The following GRID2 variants were observed in gnomAD, a reference collection of about 807,000 sequenced individuals.
The protein encoded by GRID2 is glutamate ionotropic receptor delta type subunit 2.
In GRID2, 33 loss-of-function variants were observed where a neutral mutation model predicts 114.8. That is an observed-to-expected ratio of 0.29 (90% confidence interval 0.22 to 0.38). The LOEUF (loss-of-function observed/expected upper bound fraction) is 0.38. GRID2 is among the 10% of genes least tolerant of loss of function. The pLI, the probability that GRID2 is intolerant of heterozygous loss-of-function variation, is 1.00. For synonymous variants in GRID2, 505 were observed against 449.9 expected (o/e 1.12, Z -1.55); for missense variants, 1,184 against 1,257.7 (o/e 0.94, Z 0.89).
intron 8 of GRID2, among the ~76,000 whole-genome samples, chr4:93,244,803 G>A (rs1036431635): frequency 2.8e-4 from 43 of 151,420 alleles, no homozygotes; most frequent in African/African-American, 9.0e-4. Flanking sequence ...CTTGTATTCA[G>A]CATTTTATTT....
intron 4 of GRID2, among the ~76,000 whole-genome samples, chr4:93,128,864 C>G (rs926152201): frequency 6.6e-6 from 1 of 152,088 alleles, no homozygotes; most frequent in South Asian, 2.1e-4. Flanking sequence ...AAAGAGACTC[C>G]GAATTTGATG....
intron 13 of GRID2, among the ~76,000 whole-genome samples, chr4:93,574,226 ATTTATC>A (rs935103570): frequency 6.6e-6 from 1 of 152,116 alleles, no homozygotes; most frequent in African/African-American, 2.4e-5. Flanking sequence ...TTCCAGTATC[ATTTATC>A]TTTCCTGTAG....
intron 9 of GRID2, among the ~76,000 whole-genome samples, chr4:93,407,197 G>A (rs1766542058): frequency 6.6e-6 from 1 of 152,118 alleles, no homozygotes; most frequent in Non-Finnish European, 1.5e-5. Context: ...ACTATCCACT[G>A]CATTACATGG....
intron 14 of GRID2, among the ~76,000 whole-genome samples, chr4:93,669,851 A>G (rs1157907321): frequency 6.6e-6 from 1 of 152,154 alleles, no homozygotes; most frequent in African/African-American, 2.4e-5. Flanking sequence ...ACACATGAAT[A>G]CAAGAAAAAT....
chr4:93,164,720 C>G (rs1433522849), intron 4 of GRID2: 1 of 435,804 alleles, frequency 2.3e-6, no homozygotes, highest in Non-Finnish European at 4.7e-6. Context: ...AATTTTTTTC[C>G]TTTCATTTTT....
intron 2 of GRID2, among the ~76,000 whole-genome samples, chr4:92,994,039 C>T (rs1275619808): frequency 3.3e-5 from 5 of 152,086 alleles, no homozygotes; most frequent in Non-Finnish European, 5.9e-5. Flanking sequence ...TATCCAGTGT[C>T]TGAGGATACA....
intron 3 of GRID2, among the ~76,000 whole-genome samples, chr4:93,088,581 T>C (rs956582863): frequency 9.9e-5 from 15 of 152,090 alleles, no homozygotes; most frequent in Non-Finnish European, 4.4e-5. Context: ...CACTCTTGAT[T>C]ATGGAAGTTA....
At chr4:93,340,094 TC>T (rs1759493422) in intron 8 of GRID2, among the ~76,000 whole-genome samples, 2 of 152,308 alleles carry the variant, frequency 1.3e-5, no homozygotes, top group African/African-American at 4.8e-5. Context: ...GTTTGCAGTT[TC>T]CCAAAGGTGT....
chr4:93,651,640 A>G (rs1722592163), intron 14 of GRID2, among the ~76,000 whole-genome samples: 2 of 152,306 alleles, frequency 1.3e-5, no homozygotes, highest in Admixed American at 1.3e-4. Flanking sequence ...GGCAATGAAA[A>G]TGTAAGTCAA....
chr4:92,802,824 A>G (rs973568728), intron 2 of GRID2, among the ~76,000 whole-genome samples: 1 of 151,978 alleles, frequency 6.6e-6, no homozygotes, highest in Non-Finnish European at 1.5e-5. Flanking sequence ...TGTTATTACC[A>G]GGCCTCTTCA....
intron 2 of GRID2, among the ~76,000 whole-genome samples, chr4:92,738,405 T>G (rs1203490711): frequency 1.3e-5 from 2 of 152,140 alleles, no homozygotes; most frequent in African/African-American, 4.8e-5. Flanking sequence ...CACAAAAATT[T>G]AGGCTGTTTC....
intron 2 of GRID2, among the ~76,000 whole-genome samples, chr4:92,919,648 G>A (rs1749135700): frequency 1.3e-5 from 2 of 152,170 alleles, no homozygotes; most frequent in African/African-American, 4.8e-5. Flanking sequence ...CAATTTCCAT[G>A]TAGTTGAGCG....
intron 2 of GRID2, among the ~76,000 whole-genome samples, chr4:92,746,005 T>G (rs1737133576): frequency 6.6e-6 from 1 of 152,236 alleles, no homozygotes; most frequent in South Asian, 2.1e-4. Flanking sequence ...ATTTTCTCAG[T>G]TTTTCCTTAC....
At chr4:92,692,270 C>A (rs1195493900) in intron 2 of GRID2, among the ~76,000 whole-genome samples, 1 of 152,116 alleles carries the variant, frequency 6.6e-6, no homozygotes, top group Non-Finnish European at 1.5e-5. Context: ...TGGAATATTT[C>A]TGCTACAAGT....
At chr4:92,928,176 C>A (rs1167351277) in intron 2 of GRID2, among the ~76,000 whole-genome samples, 1 of 151,662 alleles carries the variant, frequency 6.6e-6, no homozygotes, top group East Asian at 1.9e-4. Context: ...AACCACCAGT[C>A]TATTTTATTA....
At position 93,420,560 on chromosome 4, in the gene GRID2, A is replaced by C. The variant is rs1768157086; in HGVS notation, c.1348-2211A>C. On this transcript the variant is annotated intron_variant, in intron 9 of 15. Coordinates refer to ENST00000282020, the MANE Select transcript of GRID2 (RefSeq NM_001510.4). Reference sequence around the variant, plus strand: ...TTGTTCACTTTTCACTTGTATTATGATGTCATTTAAACAAGTCAGTATTAT... The same window carrying C: ...TTGTTCACTTTTCACTTGTATTATGCTGTCATTTAAACAAGTCAGTATTAT... Among the ~76,000 whole-genome samples, 3 of 152,092 alleles carry C rather than the reference A, an allele frequency of 2.0e-5. No individual in the cohort carries two copies. In the South Asian group the frequency reaches 6.2e-4, roughly 31 times the overall value.
intron 8 of GRID2, among the ~76,000 whole-genome samples, chr4:93,262,763 C>T (rs1202293831): frequency 6.6e-6 from 1 of 151,732 alleles, no homozygotes; most frequent in African/African-American, 2.4e-5. Context: ...AATAACTCTT[C>T]ATTTTTTGGC....
intron 1 of GRID2, among the ~76,000 whole-genome samples, chr4:92,318,308 AT>A (rs201137595): frequency 0.024 from 3,135 of 130,728 alleles, 53 homozygotes; most frequent in African/African-American, 0.056. Flanking sequence ...ATATATATAT[AT>A]TTTTTTTTTT....
At chr4:92,922,750 A>G (rs1018896185) in intron 2 of GRID2, among the ~76,000 whole-genome samples, 2 of 152,222 alleles carry the variant, frequency 1.3e-5, no homozygotes, top group Non-Finnish European at 2.9e-5. Context: ...TATACAAAAG[A>G]TGGATGAATC....
Sources: gnomAD v4.1 joint callset for allele counts (sites outside exome capture counted in the v4.1 genomes callset) on GRCh38, gnomAD v4.1.1 for gene constraint, MANE v1.5 for transcripts, NCBI Gene and HGNC (gene_info 2026-07-23, HGNC 2026-07-21) for gene names.